SLC35F4: variants seen among roughly 807,000 people sequenced by gnomAD.
SLC35F4 encodes chromosome 14 open reading frame 36.
SLC35F4 carries 24 observed loss-of-function variants against 44.2 expected under a neutral mutation model. The observed-to-expected ratio is 0.54, with a 90% CI of 0.39 to 0.76. SLC35F4 has a LOEUF of 0.76. SLC35F4 is among the 30% of genes least tolerant of loss of function. The probability of loss-of-function intolerance (pLI) is 0.00; values close to 1 mark genes in which losing one functional copy is unlikely to be tolerated. For synonymous variants in SLC35F4, 238 were observed against 223.6 expected (o/e 1.06, Z -0.57); for missense variants, 562 against 586.1 (o/e 0.96, Z 0.42).
intron 1 of SLC35F4, among the ~76,000 whole-genome samples, chr14:57,749,519 TA>T (rs936629993): frequency 2.7e-5 from 4 of 148,568 alleles, no homozygotes; most frequent in Non-Finnish European, 3.0e-5. Context: ...GTGACGGGTT[TA>T]AAAAAAAAAC....
At position 57,580,487 on chromosome 14, in the gene SLC35F4, C is replaced by T. The variant is rs111765329; in HGVS notation, c.807+727G>A. 30 of 354,606 alleles carry T rather than the reference C, an allele frequency of 8.5e-5. 1 individual carries two copies. The highest frequency in any genetic ancestry group is 2.0e-4 in the African/African-American group (9 of 45,682). The allele number at this position is 354,606 out of a possible 1,614,324, so 22.0% of individuals were successfully genotyped here. A position where few individuals can be genotyped will look rare whatever the true frequency, so the allele number is the denominator to read the frequency against. The stretch of plus-strand genomic sequence containing the variant: ...CAATATGTTCATCATAGTGGCATGC[C>T]GGATTATATGAATGAGATCTGGCTC... On this transcript the variant is annotated intron_variant, in intron 4 of 7. Coordinates refer to ENST00000556826, the MANE Select transcript of SLC35F4 (RefSeq NM_001306087.2).
intron 1 of SLC35F4, among the ~76,000 whole-genome samples, chr14:57,663,638 G>A (rs183252112): frequency 6.6e-6 from 1 of 152,146 alleles, no homozygotes; most frequent in African/African-American, 2.4e-5. Context: ...TCGGTAACAC[G>A]TTTTGGACAA....
intron 1 of SLC35F4, among the ~76,000 whole-genome samples, chr14:57,929,150 T>A (rs1293259463): frequency 6.6e-6 from 1 of 152,104 alleles, no homozygotes; most frequent in East Asian, 1.9e-4. Flanking sequence ...GTAATCAGAG[T>A]TCTGCAAGAG....
intron 1 of SLC35F4, among the ~76,000 whole-genome samples, chr14:57,793,305 A>G (rs1311460212): frequency 1.3e-5 from 2 of 151,950 alleles, no homozygotes; most frequent in African/African-American, 4.8e-5. Flanking sequence ...TACATGGATG[A>G]AACTGTACAG....
chr14:57,937,610 GAAAAGAAAAGA>G (rs1276137088), intron 1 of SLC35F4, among the ~76,000 whole-genome samples: 1 of 77,022 alleles, frequency 1.3e-5, no homozygotes, highest in Non-Finnish European at 2.6e-5. Context: ...GAAAAGAAAA[GAAAAGAAAAGA>G]AAAGAAAAGA....
intron 1 of SLC35F4, among the ~76,000 whole-genome samples, chr14:57,617,385 C>T (rs2071904195): frequency 6.6e-6 from 1 of 151,954 alleles, no homozygotes; most frequent in South Asian, 2.1e-4. Context: ...CTGCCTCAGC[C>T]TCCCAAAGTG....
intron 1 of SLC35F4, among the ~76,000 whole-genome samples, chr14:57,641,118 TAGAG>T (rs1467813448): frequency 6.6e-6 from 1 of 151,908 alleles, no homozygotes; most frequent in East Asian, 1.9e-4. Context: ...TAACTAGCCT[TAGAG>T]AGAAAGCAAA....
chr14:57,937,064 C>CTTTTTTTT (rs11458039), intron 1 of SLC35F4, among the ~76,000 whole-genome samples: 4 of 144,218 alleles, frequency 2.8e-5, no homozygotes, highest in Non-Finnish European at 4.5e-5. Context: ...ATTTTACCTG[C>CTTTTTTTT]TTTTTTTTTT....
At chr14:57,739,177 A>T (rs926339764) in intron 1 of SLC35F4, among the ~76,000 whole-genome samples, 10 of 152,020 alleles carry the variant, frequency 6.6e-5, no homozygotes, top group African/African-American at 2.4e-4. Context: ...GAGAGTCCTG[A>T]GGGTACCTCC....
intron 6 of SLC35F4, 64 bp downstream of exon 6, chr14:57,569,724 A>T: frequency 7.0e-7 from 1 of 1,432,010 alleles, no homozygotes; most frequent in East Asian, 2.5e-5. Context: ...TCCTATGATG[A>T]TAATCTAACT....
chr14:57,589,528 G>A lies in SLC35F4; in HGVS notation c.290-15C>T. On this transcript the variant is annotated splice_polypyrimidine_tract_variant and intron_variant, in intron 2 of 7. Transcript: ENST00000556826. ...CCCATCGTCTGCTGGAAACAGGAAA[G>A]GAATACAAATGTGAGGAAAGCAGGT... 2 of 1,582,218 alleles carry A rather than the reference G, an allele frequency of 1.3e-6. No individual in the cohort carries two copies. The highest frequency in any genetic ancestry group is 1.2e-5 in the South Asian group (1 of 84,996).
chr14:57,823,474 C>T (rs1049062092), intron 1 of SLC35F4, among the ~76,000 whole-genome samples: 8 of 152,180 alleles, frequency 5.3e-5, no homozygotes, highest in East Asian at 1.9e-4. Flanking sequence ...ATTTGAATCA[C>T]GCTCCAGGGG....
chr14:57,628,750 T>A (rs903329717), intron 1 of SLC35F4, among the ~76,000 whole-genome samples: 15 of 152,132 alleles, frequency 9.9e-5, no homozygotes, highest in Non-Finnish European at 1.9e-4. Flanking sequence ...AACACAATAA[T>A]AAGAGTTTGG....
At chr14:57,818,231 G>A (rs1006007841) in intron 1 of SLC35F4, among the ~76,000 whole-genome samples, 5 of 152,134 alleles carry the variant, frequency 3.3e-5, no homozygotes, top group Non-Finnish European at 7.3e-5. Flanking sequence ...CATGGGTCTG[G>A]AACCAACAGT....
At chr14:57,611,722 T>G (rs2140048601) in intron 1 of SLC35F4, among the ~76,000 whole-genome samples, 1 of 152,208 alleles carries the variant, frequency 6.6e-6, no homozygotes. Flanking sequence ...GAAAGTAGTT[T>G]CAGTAGAGAA....
At chr14:57,656,596 A>T (rs2140221363) in intron 1 of SLC35F4, among the ~76,000 whole-genome samples, 1 of 152,058 alleles carries the variant, frequency 6.6e-6, no homozygotes, top group African/African-American at 2.4e-5. Context: ...TAGCTAAAGG[A>T]TGTAGGTTCA....
intron 1 of SLC35F4, among the ~76,000 whole-genome samples, chr14:57,643,011 G>A (rs1042476820): frequency 1.3e-5 from 2 of 151,798 alleles, no homozygotes; most frequent in Non-Finnish European, 1.5e-5. Flanking sequence ...TTGTGTAATG[G>A]TTTAGCAAAA....
At chr14:57,631,459 T>C (rs2072768034) in intron 1 of SLC35F4, among the ~76,000 whole-genome samples, 1 of 152,158 alleles carries the variant, frequency 6.6e-6, no homozygotes, top group Admixed American at 6.6e-5. Flanking sequence ...TTCTTACAGC[T>C]GTTGGAAGCA....
At chr14:57,669,778 T>C (rs1216980157) in intron 1 of SLC35F4, among the ~76,000 whole-genome samples, 2 of 152,052 alleles carry the variant, frequency 1.3e-5, no homozygotes, top group African/African-American at 4.8e-5. Context: ...CCAGGGATAT[T>C]GGTCTAAAAT....
Sources: gnomAD v4.1 joint callset for allele counts (sites outside exome capture counted in the v4.1 genomes callset) on GRCh38, gnomAD v4.1.1 for gene constraint, MANE v1.5 for transcripts, NCBI Gene and HGNC (gene_info 2026-07-23, HGNC 2026-07-21) for gene names.